MALRD1: variants seen among roughly 807,000 people sequenced by gnomAD.
The protein encoded by MALRD1 is MAM and LDL receptor class A domain containing 1.
MALRD1 carries 247 observed loss-of-function variants against 242.1 expected under a neutral mutation model. That is an observed-to-expected ratio of 1.02 (90% CI 0.92 to 1.13). The LOEUF is 1.13. Among genes scored for constraint, MALRD1 ranks in the 50% most tolerant of loss-of-function variants. The probability of loss-of-function intolerance (pLI) is 0.00; values close to 1 mark genes in which losing one functional copy is unlikely to be tolerated. For synonymous variants in MALRD1, 995 were observed against 866.6 expected, an observed-to-expected ratio of 1.15 and a Z score of -2.60; for missense variants, 2,989 against 2,533.1, an observed-to-expected ratio of 1.18 and a Z score of -3.86.
chr10:19,600,171 A>G (rs1231048798), intron 34 of MALRD1, among the ~76,000 whole-genome samples: 1 of 152,120 alleles, frequency 6.6e-6, no homozygotes, highest in African/African-American at 2.4e-5. Flanking sequence ...CCTTATCATC[A>G]ATATTTTTAC....
Position 19,700,923 on chromosome 10 carries a change from C to T in MALRD1, c.6314+8369C>T, listed in dbSNP as rs142277523. ...CCTGTAATCCCAACACTTTGGGAGG[C>T]CAAGGTGAGGGATCTTTAGCTCAAG... On this transcript the variant is annotated intron_variant, in intron 38 of 39. Coordinates refer to ENST00000454679, the MANE Select transcript of MALRD1 (RefSeq NM_001142308.3). Among the ~76,000 whole-genome samples, 3 of 152,154 alleles carry T rather than the reference C, an allele frequency of 2.0e-5. No individual in the cohort carries two copies. In the East Asian group the frequency reaches 5.8e-4, roughly 29 times the overall value.
At chr10:19,114,118 A>G (rs1177379828) in intron 5 of MALRD1, among the ~76,000 whole-genome samples, 4 of 152,214 alleles carry the variant, frequency 2.6e-5, no homozygotes, top group African/African-American at 4.8e-5. Flanking sequence ...TTTTAACAGT[A>G]CTTACATTTG....
At chr10:19,337,134 T>C (rs1243169382) in intron 24 of MALRD1, among the ~76,000 whole-genome samples, 1 of 152,088 alleles carries the variant, frequency 6.6e-6, no homozygotes, top group Non-Finnish European at 1.5e-5. Flanking sequence ...AAGTAAACTT[T>C]CATATACATA....
Position 19,136,769 on chromosome 10 carries a change from C to T in MALRD1, c.1399C>T (p.Pro467Ser). ...QDCSDESDED[P>S]ATCSKHLTCD... ...CTGCTCCGATGAGAGTGATGAAGACCCAGCAACTTGCTGTAAGTGAGTGAA... is the reference window on the plus strand; with the variant it reads ...CTGCTCCGATGAGAGTGATGAAGACTCAGCAACTTGCTGTAAGTGAGTGAA... The change falls in exon 10 of 40, where the codon CCA becomes TCA. Residue 467 changes from proline to serine, a missense_variant. Physicochemically the swap from Pro to Ser is moderately conservative, Grantham distance 74. Coordinates refer to ENST00000454679, the MANE Select transcript of MALRD1 (RefSeq NM_001142308.3). The T allele has an allele frequency of 8.1e-7, 1 of 1,231,528 alleles. No individual in the cohort carries two copies. Among genetic ancestry groups the T allele is most frequent in the Non-Finnish European group, 1.0e-6 (1 of 987,894 alleles). 76.3% of individuals were successfully genotyped at this position (1,231,528 alleles called of 1,614,324 possible).
At position 19,702,462 on chromosome 10, in the gene MALRD1, A is replaced by T. The variant is rs559206370; in HGVS notation, c.6314+9908A>T. Among the ~76,000 whole-genome samples the T allele has an allele frequency of 3.9e-5, 6 of 152,318 alleles. No homozygotes were observed. The South Asian group carries it at 8.3e-4, about 21-fold the overall frequency. ...CCTCAGCAACAATGTTATAGCAATGATGACATCATGTTGTAACAGCTATTT... is the reference window on the plus strand; with the variant it reads ...CCTCAGCAACAATGTTATAGCAATGTTGACATCATGTTGTAACAGCTATTT... On this transcript the variant is annotated intron_variant, in intron 38 of 39. Transcript: ENST00000454679.
In MALRD1 at chr10:19,420,038, G is replaced by A. The variant is rs185828546; in HGVS notation, c.4846-30269G>A. ...AATTTTCTTTTTAATTCTCAGCAAG[G>A]CAAGATACTTCTATAGAAGGTTGCA... is the stretch of plus-strand genomic sequence containing the variant. On this transcript the variant is annotated intron_variant, in intron 28 of 39. Coordinates refer to ENST00000454679, the MANE Select transcript of MALRD1 (RefSeq NM_001142308.3). 6.6e-5 allele frequency among the ~76,000 whole-genome samples: 10 copies of A among 152,224 alleles called. No homozygotes were observed. In the East Asian group the frequency reaches 1.7e-3, roughly 26 times the overall value.
intron 32 of MALRD1, among the ~76,000 whole-genome samples, chr10:19,554,306 A>G (rs573134429): frequency 1.3e-5 from 2 of 152,284 alleles, no homozygotes; most frequent in Admixed American, 6.5e-5. Context: ...AACGGGTAGC[A>G]GGCAATGTCA....
chr10:19,642,340 A>G (rs1840427381), intron 36 of MALRD1, among the ~76,000 whole-genome samples: 1 of 152,166 alleles, frequency 6.6e-6, no homozygotes, highest in Admixed American at 6.5e-5. Flanking sequence ...GACTGTACTC[A>G]TGCTTTTGAA....
At chr10:19,695,019 C>G (rs945207664) in intron 38 of MALRD1, among the ~76,000 whole-genome samples, 1 of 152,062 alleles carries the variant, frequency 6.6e-6, no homozygotes, top group Non-Finnish European at 1.5e-5. Context: ...GGGAACTGAA[C>G]AATGAGAACA....
chr10:19,069,273 T>C (rs1835069244), intron 2 of MALRD1, among the ~76,000 whole-genome samples: 4 of 152,060 alleles, frequency 2.6e-5, no homozygotes, highest in South Asian at 2.1e-4. Flanking sequence ...TTCTGATCAA[T>C]TGTTAGATCT....
In MALRD1 at chr10:19,450,469, G is replaced by A. The variant is rs1835262351; in HGVS notation, c.5008G>A (p.Glu1670Lys). The part of the protein sequence containing the change: ...LGGGAAIDDI[E>K]FKNCTTVGEI... ...AGGAGGAGCTGCAATTGATGATATTGAATTTAAAAACTGCACAACTGGTAA... is the reference window on the plus strand; with the variant it reads ...AGGAGGAGCTGCAATTGATGATATTAAATTTAAAAACTGCACAACTGGTAA... Residue 1670 changes from glutamate (E) to lysine (K), a missense_variant, in exon 29 of 40, where the codon GAA becomes AAA. Glu to Lys is a moderately conservative substitution (Grantham distance 56). Coordinates refer to ENST00000454679, the MANE Select transcript of MALRD1 (RefSeq NM_001142308.3). 2 of 1,549,110 alleles carry A rather than the reference G, an allele frequency of 1.3e-6. No individual in the cohort carries two copies. Among genetic ancestry groups the A allele is most frequent in the Middle Eastern group, 1.7e-4 (1 of 5,952 alleles).
chr10:19,456,825 T>G (rs1456044868), intron 29 of MALRD1, among the ~76,000 whole-genome samples: 1 of 151,428 alleles, frequency 6.6e-6, no homozygotes, highest in East Asian at 1.9e-4. Context: ...CAGGCTGGAG[T>G]GCAATGGCAC....
intron 13 of MALRD1, among the ~76,000 whole-genome samples, chr10:19,168,159 T>C (rs1834779556): frequency 6.6e-6 from 1 of 152,194 alleles, no homozygotes; most frequent in Non-Finnish European, 1.5e-5. Context: ...CCAACGTCCC[T>C]TCTCAAAGAT....
intron 19 of MALRD1, among the ~76,000 whole-genome samples, chr10:19,270,023 C>T (rs1840139013): frequency 6.6e-6 from 1 of 152,130 alleles, no homozygotes; most frequent in African/African-American, 2.4e-5. Flanking sequence ...GCAGTTCAGA[C>T]TGCTGGTTTT....
At chr10:19,111,785 A>G (rs1225618776) in intron 5 of MALRD1, among the ~76,000 whole-genome samples, 1 of 152,250 alleles carries the variant, frequency 6.6e-6, no homozygotes, top group Non-Finnish European at 1.5e-5. Context: ...AGATGAGGAC[A>G]CAGAGAGTTG....
At position 19,102,749 on chromosome 10, in the gene MALRD1, G is replaced by A. The variant is rs1366679493; in HGVS notation, c.598-1230G>A. 7.2e-5 allele frequency among the ~76,000 whole-genome samples: 11 copies of A among 152,062 alleles called. No individual in the cohort carries two copies. The East Asian group carries it at 9.6e-4, about 13-fold the overall frequency. Reference sequence around the variant, plus strand: ...TATCGATTTAGTTAATTAGAAAATCGGAGACTGGCTTCTTTTTAAGTTTCT... The same window carrying A: ...TATCGATTTAGTTAATTAGAAAATCAGAGACTGGCTTCTTTTTAAGTTTCT... On this transcript the variant is annotated intron_variant, in intron 4 of 39. Transcript: ENST00000454679.
chr10:19,085,012 T>C (rs1024034400), intron 2 of MALRD1, among the ~76,000 whole-genome samples: 1 of 151,884 alleles, frequency 6.6e-6, no homozygotes, highest in Non-Finnish European at 1.5e-5. Flanking sequence ...GGTGTAGAGA[T>C]TAATAGAGAT....
chr10:19,389,695 A>T (rs897148167), intron 28 of MALRD1, 86 bp downstream of exon 28: 103 of 1,379,384 alleles, frequency 7.5e-5, no homozygotes, highest in Non-Finnish European at 9.3e-5. Context: ...GCTGCAGTGC[A>T]GTGGTGCAGT....
intron 20 of MALRD1, 103 bp downstream of exon 20, chr10:19,280,326 C>A: frequency 1.2e-6 from 1 of 862,560 alleles, no homozygotes; most frequent in Non-Finnish European, 1.6e-6. Context: ...ATATATTCAA[C>A]ATGAGTTAGA....
Sources: gnomAD v4.1 joint callset for allele counts (sites outside exome capture counted in the v4.1 genomes callset) on GRCh38, gnomAD v4.1.1 for gene constraint, MANE v1.5 for transcripts, NCBI Gene and HGNC (gene_info 2026-07-23, HGNC 2026-07-21) for gene names.